Variants in MAP2K1 observed in about 807,000 individuals in gnomAD.
MAP2K1 encodes mitogen-activated protein kinase kinase 1.
MAP2K1 carries 16 observed loss-of-function variants against 46.3 expected under a neutral mutation model. The observed-to-expected ratio is 0.35, with a 90% CI of 0.23 to 0.52. The LOEUF (loss-of-function observed/expected upper bound fraction) is 0.52. MAP2K1 is among the 20% of genes least tolerant of loss of function. MAP2K1 has a pLI of 0.94. For synonymous variants in MAP2K1, 183 were observed against 185.6 expected (o/e 0.99, Z 0.11); for missense variants, 263 against 497.1 (o/e 0.53, Z 4.48).
chr15:66,388,367 A>AT (rs768239194), intron 1 of MAP2K1, among the ~76,000 whole-genome samples: 10 of 152,110 alleles, frequency 6.6e-5, no homozygotes, highest in Middle Eastern at 3.4e-3. Context: ...GGTTATTATT[A>AT]TTTTTTTGCC....
chr15:66,491,285 G>T lies in MAP2K1; in HGVS notation c.*670G>T. ...TATTTATTTTCAGTATACTGTGTGG[G>T]ATACTTAGTGGTATGTCTCTTTAAG... On this transcript the variant is annotated 3_prime_UTR_variant, in exon 11 of 11. Transcript: ENST00000307102. 4.2e-6 allele frequency: 1 copy of T among 235,884 alleles called. No individual in the cohort carries two copies. The highest frequency in any genetic ancestry group is 8.4e-6 in the Non-Finnish European group (1 of 119,472). The allele number at this position is 235,884 out of a possible 1,614,324, so 14.6% of individuals were successfully genotyped here.
intron 1 of MAP2K1, among the ~76,000 whole-genome samples, chr15:66,421,073 T>C (rs990684461): frequency 1.8e-4 from 23 of 126,340 alleles, no homozygotes; most frequent in East Asian, 6.7e-4. Flanking sequence ...CACACACACA[T>C]ATATACACAT....
intron 4 of MAP2K1, among the ~76,000 whole-genome samples, chr15:66,443,748 G>A (rs893319667): frequency 2.6e-5 from 4 of 151,964 alleles, no homozygotes; most frequent in Non-Finnish European, 5.9e-5. Flanking sequence ...TGGTGCACAC[G>A]TGTAGTCCCA....
At chr15:66,468,352 C>T (rs915757191) in intron 5 of MAP2K1, among the ~76,000 whole-genome samples, 1 of 152,084 alleles carries the variant, frequency 6.6e-6, no homozygotes, top group African/African-American at 2.4e-5. Flanking sequence ...AGCTAAATAG[C>T]TCCTAAATCT....
intron 1 of MAP2K1, among the ~76,000 whole-genome samples, chr15:66,397,150 G>A (rs1481470374): frequency 1.3e-5 from 2 of 151,626 alleles, no homozygotes; most frequent in Non-Finnish European, 2.9e-5. Context: ...GACTACAGGC[G>A]CCTGCCACCA....
At chr15:66,434,677 G>A (rs2093482933) in intron 1 of MAP2K1, among the ~76,000 whole-genome samples, 1 of 152,154 alleles carries the variant, frequency 6.6e-6, no homozygotes, top group South Asian at 2.1e-4. Flanking sequence ...CAGTAGTGGG[G>A]CTTTTTAAAC....
intron 6 of MAP2K1, among the ~76,000 whole-genome samples, chr15:66,484,274 A>G (rs1003589416): frequency 4.0e-5 from 6 of 151,774 alleles, no homozygotes; most frequent in African/African-American, 1.5e-4. Flanking sequence ...CAGCCTCCCA[A>G]GTAGCTGGGA....
At chr15:66,455,795 T>C (rs919986635) in intron 5 of MAP2K1, among the ~76,000 whole-genome samples, 5 of 152,254 alleles carry the variant, frequency 3.3e-5, no homozygotes, top group Admixed American at 2.0e-4. Flanking sequence ...TAAGTTCAAC[T>C]GACAGTCCCA....
At chr15:66,469,794 C>G (rs946952621) in intron 5 of MAP2K1, among the ~76,000 whole-genome samples, 5 of 147,760 alleles carry the variant, frequency 3.4e-5, no homozygotes, top group Non-Finnish European at 6.0e-5. Flanking sequence ...CTGTTTAAAT[C>G]TCATTGCCGT....
At position 66,485,131 on chromosome 15, in the gene MAP2K1, G is replaced by C. The variant is rs2140675099; in HGVS notation, c.835G>C (p.Val279Leu). The C allele has an allele frequency of 6.2e-7, 1 of 1,614,094 alleles. No homozygotes were observed. The highest frequency in any genetic ancestry group is 2.2e-5 in the East Asian group (1 of 44,874). The stretch of plus-strand genomic sequence containing the variant: ...GCTGGAGCTGATGTTTGGGTGCCAG[G>C]TGGAAGGAGATGCGGCTGAGACCCC... ...KELELMFGCQ[V>L]EGDAAETPPR... is the part of the protein sequence containing the mutation. The change falls in exon 7 of 11, where the codon GTG (valine) becomes CTG (leucine). Residue 279 changes from valine (V) to leucine (L), a missense_variant. By Grantham distance (32) the Val-to-Leu change is conservative (BLOSUM62 1). Coordinates refer to ENST00000307102, the MANE Select transcript of MAP2K1 (RefSeq NM_002755.4).
chr15:66,448,996 A>T (rs7182773), intron 5 of MAP2K1, among the ~76,000 whole-genome samples: 116,223 of 126,570 alleles, frequency 0.92, 54,105 homozygotes, highest in East Asian at 1. Context: ...AGTGTGAGAC[A>T]CTGTCTCAAA....
At chr15:66,442,851 C>T (rs1178980753) in intron 3 of MAP2K1, among the ~76,000 whole-genome samples, 1 of 152,040 alleles carries the variant, frequency 6.6e-6, no homozygotes, top group African/African-American at 2.4e-5. Context: ...TCTTTGAGTT[C>T]GATTAATTTG....
At chr15:66,462,603 G>GA (rs56063254) in intron 5 of MAP2K1, among the ~76,000 whole-genome samples, 2,028 of 148,562 alleles carry the variant, frequency 0.014, 62 homozygotes, top group East Asian at 0.07. Context: ...AGATTTTTCT[G>GA]AAAAAAAAAA....
At chr15:66,428,928 C>T (rs2140568076) in intron 1 of MAP2K1, among the ~76,000 whole-genome samples, 2 of 151,888 alleles carry the variant, frequency 1.3e-5, no homozygotes, top group Admixed American at 6.6e-5. Flanking sequence ...TACAAGCACA[C>T]GCCACCACGC....
At chr15:66,455,579 C>T (rs548719181) in intron 5 of MAP2K1, among the ~76,000 whole-genome samples, 7 of 152,324 alleles carry the variant, frequency 4.6e-5, no homozygotes, top group Admixed American at 4.6e-4. Context: ...GTGGTAGCCT[C>T]TTGAACATTT....
intron 6 of MAP2K1, among the ~76,000 whole-genome samples, chr15:66,483,435 A>G (rs866247429): frequency 2.7e-4 from 41 of 152,264 alleles, no homozygotes; most frequent in Middle Eastern, 6.8e-3. Context: ...TTCAAAATCC[A>G]TTAACAGGCC....
chr15:66,479,274 C>A (rs960466631), intron 5 of MAP2K1, among the ~76,000 whole-genome samples: 1 of 151,842 alleles, frequency 6.6e-6, no homozygotes, highest in Non-Finnish European at 1.5e-5. Context: ...ATTTTTGTAT[C>A]TTCACTACAG....
At chr15:66,436,203 CTG>C (rs1474299421) in intron 2 of MAP2K1, among the ~76,000 whole-genome samples, 1 of 152,190 alleles carries the variant, frequency 6.6e-6, no homozygotes, top group Non-Finnish European at 1.5e-5. Flanking sequence ...CACTCGCTGT[CTG>C]TGGGATTTTT....
At chr15:66,455,263 C>T (rs892790189) in intron 5 of MAP2K1, among the ~76,000 whole-genome samples, 4 of 152,082 alleles carry the variant, frequency 2.6e-5, no homozygotes, top group Non-Finnish European at 5.9e-5. Flanking sequence ...CTGAGTGTGC[C>T]CTGCTCTAAT....
Sources: allele counts gnomAD v4.1 joint callset (sites outside exome capture counted in the v4.1 genomes callset), GRCh38; gene constraint gnomAD v4.1.1; transcripts MANE v1.5; gene names NCBI Gene and HGNC (gene_info 2026-07-23, HGNC 2026-07-21).